MAD1L1: variants seen among roughly 807,000 people sequenced by gnomAD.
MAD1L1 encodes the protein mitotic spindle assembly checkpoint protein MAD1.
A neutral mutation model predicts 96.9 loss-of-function variants in MAD1L1; 95 were observed. That is an observed-to-expected ratio of 0.98 (90% confidence interval 0.83 to 1.16). The LOEUF is 1.16. Among genes scored for constraint, MAD1L1 ranks in the 50% most tolerant of loss-of-function variants. The probability of loss-of-function intolerance (pLI) is 0.00; values close to 1 mark genes in which losing one functional copy is unlikely to be tolerated. For synonymous variants in MAD1L1, 473 were observed against 396.6 expected, an observed-to-expected ratio of 1.19 and a Z score of -2.29; for missense variants, 1,007 against 954.4, an observed-to-expected ratio of 1.06 and a Z score of -0.73.
At chr7:2,064,759 A>AGCTTCTCCTAGGAATATGGCG (rs1310439150) in intron 12 of MAD1L1, among the ~76,000 whole-genome samples, 2 of 150,272 alleles carry the variant, frequency 1.3e-5, no homozygotes, top group Admixed American at 1.3e-4. Flanking sequence ...TGAGGATGGC[A>AGCTTCTCCTAGGAATATGGCG]GCTTCTCCTA....
chr7:2,042,596 T>C (rs1371883216), intron 12 of MAD1L1, among the ~76,000 whole-genome samples: 3 of 152,118 alleles, frequency 2.0e-5, no homozygotes, highest in African/African-American at 7.2e-5. Context: ...TGGGAGGTGT[T>C]GGATTATGAG....
chr7:2,044,298 C>G (rs1167118078), intron 12 of MAD1L1, among the ~76,000 whole-genome samples: 1 of 152,228 alleles, frequency 6.6e-6, no homozygotes, highest in East Asian at 1.9e-4. Context: ...AACTGAGACA[C>G]AGACGAATGA....
At chr7:1,846,890 C>G (rs531397289) in intron 18 of MAD1L1, 1 of 274,166 alleles carries the variant, frequency 3.6e-6, no homozygotes, top group Admixed American at 5.2e-5. Context: ...CTGTATGAAG[C>G]TGCTGTTTGC....
At position 1,815,877 on chromosome 7, in the gene MAD1L1, G is replaced by C; in HGVS notation, c.*193C>G. 1 of 611,054 alleles carries C rather than the reference G, an allele frequency of 1.6e-6. No individual in the cohort carries two copies. The highest frequency in any genetic ancestry group is 2.9e-5 in the East Asian group (1 of 34,068). The allele number at this position is 611,054 out of a possible 1,614,324, so 37.9% of individuals were successfully genotyped here. A position where few individuals can be genotyped will look rare whatever the true frequency, so the allele number is the denominator to read the frequency against. On this transcript the variant is annotated 3_prime_UTR_variant, in exon 19 of 19. Coordinates refer to ENST00000265854, the MANE Select transcript of MAD1L1 (RefSeq NM_001013836.2). ...CACACACCAGGCTCCGGGACGCATG[G>C]GGTCTGCACGTGGAGAGGGTGCTGG...
chr7:1,951,925 T>C (rs1434314224), intron 16 of MAD1L1, among the ~76,000 whole-genome samples: 1 of 152,146 alleles, frequency 6.6e-6, no homozygotes, highest in Non-Finnish European at 1.5e-5. Flanking sequence ...CATGAGTCCC[T>C]GCTTTTGGTT....
At chr7:2,216,323 T>C (rs952737381) in intron 7 of MAD1L1, 36 bp from the exon 8 acceptor site, 1 of 1,602,410 alleles carries the variant, frequency 6.2e-7, no homozygotes, top group Non-Finnish European at 8.5e-7. Context: ...AAGGGAAAAA[T>C]GAGCCACGAA....
At chr7:1,816,623 C>T (rs1423777710) in intron 18 of MAD1L1, among the ~76,000 whole-genome samples, 1 of 152,116 alleles carries the variant, frequency 6.6e-6, no homozygotes, top group African/African-American at 2.4e-5. Context: ...TTCCACACTG[C>T]CTGGGCCCCA....
At chr7:2,092,815 C>G (rs1488652193) in intron 11 of MAD1L1, among the ~76,000 whole-genome samples, 1 of 152,134 alleles carries the variant, frequency 6.6e-6, no homozygotes, top group African/African-American at 2.4e-5. Context: ...CAAATTTTTT[C>G]TCTTATGGAT....
At chr7:2,002,497 A>G (rs1485212514) in intron 13 of MAD1L1, among the ~76,000 whole-genome samples, 1 of 152,204 alleles carries the variant, frequency 6.6e-6, no homozygotes, top group African/African-American at 2.4e-5. Flanking sequence ...ACTTTCAGTC[A>G]GAGGAAATCA....
At chr7:2,220,670 G>A (rs1183014953) in intron 5 of MAD1L1, among the ~76,000 whole-genome samples, 1 of 152,216 alleles carries the variant, frequency 6.6e-6, no homozygotes, top group Non-Finnish European at 1.5e-5. Flanking sequence ...CCAGCTTAGG[G>A]CCTGCTGAAG....
chr7:1,999,675 C>T (rs753884223), intron 14 of MAD1L1, among the ~76,000 whole-genome samples: 1 of 152,196 alleles, frequency 6.6e-6, no homozygotes, highest in Non-Finnish European at 1.5e-5. Flanking sequence ...ACATCATGCC[C>T]GTCACTACAG....
chr7:2,201,058 C>T (rs1792267731), intron 10 of MAD1L1, among the ~76,000 whole-genome samples: 1 of 152,228 alleles, frequency 6.6e-6, no homozygotes, highest in African/African-American at 2.4e-5. Context: ...CTACAGCTGG[C>T]TGCAGGGAGT....
At position 2,072,938 on chromosome 7, in the gene MAD1L1, C is replaced by T. The variant is rs1785206010; in HGVS notation, c.1074-3600G>A. ...CGCCACGCAGAGCAGATGTGAGTAA[C>T]GCACACCCACAGGACAGTGGCTGTC... On this transcript the variant is annotated intron_variant, in intron 11 of 18. Coordinates refer to ENST00000265854, the MANE Select transcript of MAD1L1 (RefSeq NM_001013836.2). Among the ~76,000 whole-genome samples the T allele has an allele frequency of 2.0e-5, 3 of 152,350 alleles. No homozygotes were observed. The South Asian group carries it at 6.2e-4, about 32-fold the overall frequency.
chr7:2,217,820 G>A (rs1793372708), intron 7 of MAD1L1, 142 bp downstream of exon 7: 2 of 711,544 alleles, frequency 2.8e-6, no homozygotes, highest in Non-Finnish European at 2.5e-6. Context: ...CTGGTGCCCA[G>A]CACAGTGCCC....
intron 16 of MAD1L1, among the ~76,000 whole-genome samples, chr7:1,949,252 C>T (rs1287996478): frequency 6.6e-6 from 1 of 152,220 alleles, no homozygotes; most frequent in Non-Finnish European, 1.5e-5. Context: ...GGTGACCTAC[C>T]AAGTCCATGG....
chr7:1,950,978 T>C (rs1054754954), intron 16 of MAD1L1, among the ~76,000 whole-genome samples: 1 of 152,246 alleles, frequency 6.6e-6, no homozygotes, highest in South Asian at 2.1e-4. Flanking sequence ...ACGAAGCCCA[T>C]GCTTCCTGGG....
intron 12 of MAD1L1, among the ~76,000 whole-genome samples, chr7:2,037,608 C>A (rs1783496988): frequency 6.6e-6 from 1 of 152,204 alleles, no homozygotes; most frequent in Non-Finnish European, 1.5e-5. Context: ...GACTGTACTT[C>A]CGACATTGCA....
At chr7:1,920,219 G>A (rs1788692512) in intron 17 of MAD1L1, among the ~76,000 whole-genome samples, 1 of 152,222 alleles carries the variant, frequency 6.6e-6, no homozygotes, top group Non-Finnish European at 1.5e-5. Context: ...CCAACTCCCT[G>A]TAACAAGCAT....
At chr7:2,169,942 G>C (rs1790634266) in intron 10 of MAD1L1, among the ~76,000 whole-genome samples, 1 of 152,108 alleles carries the variant, frequency 6.6e-6, no homozygotes, top group Non-Finnish European at 1.5e-5. Context: ...GCAGGGGCTG[G>C]ACCACAGTCT....
Sources: gnomAD v4.1 joint callset for allele counts (sites outside exome capture counted in the v4.1 genomes callset) on GRCh38, gnomAD v4.1.1 for gene constraint, MANE v1.5 for transcripts, NCBI Gene and HGNC (gene_info 2026-07-23, HGNC 2026-07-21) for gene names.